The following RSPO2 variants were observed in gnomAD, a reference collection of about 807,000 sequenced individuals.
RSPO2 encodes the protein R-spondin-2.
A neutral mutation model predicts 30.9 loss-of-function variants in RSPO2; 14 were observed. The observed-to-expected ratio is 0.45, with a 90% CI of 0.30 to 0.71. The LOEUF (loss-of-function observed/expected upper bound fraction) is 0.71, where lower values mean the gene tolerates loss of function less well. Among genes scored for constraint, RSPO2 ranks in the 30% least tolerant of loss-of-function variants. The probability of loss-of-function intolerance (pLI) is 0.08; values close to 1 mark genes in which losing one functional copy is unlikely to be tolerated. For missense variants in RSPO2, 264 were observed against 301.9 expected, an observed-to-expected ratio of 0.87 and a Z score of 0.93; for synonymous variants, 107 against 96.4, an observed-to-expected ratio of 1.11 and a Z score of -0.64.
At chr8:107,997,682 C>G (rs1048721066) in intron 2 of RSPO2, among the ~76,000 whole-genome samples, 16 of 152,072 alleles carry the variant, frequency 1.1e-4, no homozygotes, top group African/African-American at 3.9e-4. Flanking sequence ...ACAGTTATAT[C>G]AAGAGAGAAA....
chr8:107,951,269 G>A (rs1813238040), intron 5 of RSPO2, among the ~76,000 whole-genome samples: 1 of 152,010 alleles, frequency 6.6e-6, no homozygotes, highest in African/African-American at 2.4e-5. Flanking sequence ...GGCCAGGCTG[G>A]TCTCAAACTT....
chr8:107,976,358 C>T (rs1814210703), intron 3 of RSPO2, among the ~76,000 whole-genome samples: 1 of 152,178 alleles, frequency 6.6e-6, no homozygotes, highest in South Asian at 2.1e-4. Flanking sequence ...TCTTAGCTCT[C>T]CATACTGTGT....
At chr8:107,941,310 A>C (rs578177185) in intron 5 of RSPO2, among the ~76,000 whole-genome samples, 2 of 152,272 alleles carry the variant, frequency 1.3e-5, no homozygotes, top group Admixed American at 1.3e-4. Flanking sequence ...CTTCCTCTAA[A>C]TCAAACTGCA....
At chr8:107,909,435 G>C (rs972047735) in intron 5 of RSPO2, among the ~76,000 whole-genome samples, 3 of 151,732 alleles carry the variant, frequency 2.0e-5, no homozygotes, top group African/African-American at 7.3e-5. Flanking sequence ...GATACTTTTT[G>C]TATTTTTAGT....
intron 5 of RSPO2, among the ~76,000 whole-genome samples, chr8:107,939,881 C>T (rs557687097): frequency 1.3e-5 from 2 of 151,982 alleles, no homozygotes; most frequent in Non-Finnish European, 2.9e-5. Flanking sequence ...TAAACAGTAT[C>T]GCTCCTAAAA....
intron 2 of RSPO2, among the ~76,000 whole-genome samples, chr8:108,033,913 G>A (rs951058145): frequency 9.2e-5 from 14 of 152,240 alleles, no homozygotes; most frequent in Middle Eastern, 3.4e-3. Flanking sequence ...AACACCCTTC[G>A]CTGAGTCACT....
At chr8:108,078,993 C>T (rs1813102737) in intron 2 of RSPO2, among the ~76,000 whole-genome samples, 2 of 152,114 alleles carry the variant, frequency 1.3e-5, no homozygotes, top group Non-Finnish European at 2.9e-5. Flanking sequence ...GTCTATCCAC[C>T]TTTCAGTAAT....
chr8:108,053,186 G>C (rs1269681343), intron 2 of RSPO2, among the ~76,000 whole-genome samples: 1 of 152,112 alleles, frequency 6.6e-6, no homozygotes, highest in African/African-American at 2.4e-5. Context: ...ATGGCTTGCA[G>C]GAGAGCTTCT....
chr8:107,960,210 A>G (rs866633932), intron 4 of RSPO2, among the ~76,000 whole-genome samples: 14 of 152,264 alleles, frequency 9.2e-5, no homozygotes, highest in Middle Eastern at 6.8e-3. Context: ...TGCATTTGTA[A>G]CATATAATCA....
At chr8:108,021,344 G>A (rs1481960852) in intron 2 of RSPO2, among the ~76,000 whole-genome samples, 5 of 152,098 alleles carry the variant, frequency 3.3e-5, no homozygotes, top group Admixed American at 1.3e-4. Context: ...GCTACCCTGA[G>A]CCCCCACTTC....
intron 3 of RSPO2, among the ~76,000 whole-genome samples, chr8:107,972,732 T>C (rs1234831807): frequency 1.3e-5 from 2 of 152,068 alleles, no homozygotes; most frequent in Admixed American, 6.5e-5. Context: ...CATCAGATAT[T>C]ACTCTTTTAC....
chr8:108,032,674 A>T (rs2130638291), intron 2 of RSPO2, among the ~76,000 whole-genome samples: 1 of 152,166 alleles, frequency 6.6e-6, no homozygotes, highest in African/African-American at 2.4e-5. Flanking sequence ...TCTGTCACCC[A>T]GGCTGAAGTA....
intron 2 of RSPO2, among the ~76,000 whole-genome samples, chr8:107,993,489 AATTTC>A (rs1814918160): frequency 6.6e-6 from 1 of 152,140 alleles, no homozygotes; most frequent in African/African-American, 2.4e-5. Context: ...TGCTCTAGAT[AATTTC>A]ATTTATATTA....
chr8:107,924,107 CA>C (rs1181147610), intron 5 of RSPO2, among the ~76,000 whole-genome samples: 2 of 149,430 alleles, frequency 1.3e-5, no homozygotes, highest in African/African-American at 4.9e-5. Context: ...AAAAAAAAGA[CA>C]AAAAAGAGTG....
intron 5 of RSPO2, among the ~76,000 whole-genome samples, chr8:107,912,265 G>A (rs1486750458): frequency 1.3e-5 from 2 of 152,172 alleles, no homozygotes; most frequent in Non-Finnish European, 2.9e-5. Flanking sequence ...ACTCCTGAAA[G>A]CCAAGAATAT....
intron 2 of RSPO2, among the ~76,000 whole-genome samples, chr8:108,071,332 C>T (rs990090645): frequency 2.6e-5 from 4 of 152,106 alleles, no homozygotes; most frequent in Admixed American, 2.0e-4. Flanking sequence ...TCATATCAGC[C>T]ACTGCTGATG....
At chr8:108,010,592 T>A (rs1268671465) in intron 2 of RSPO2, among the ~76,000 whole-genome samples, 1 of 152,112 alleles carries the variant, frequency 6.6e-6, no homozygotes, top group Non-Finnish European at 1.5e-5. Context: ...AGGACAGAGA[T>A]GCAGAGAGCC....
At chr8:107,986,543 A>G (rs1022277154) in intron 3 of RSPO2, among the ~76,000 whole-genome samples, 1 of 152,172 alleles carries the variant, frequency 6.6e-6, no homozygotes, top group Non-Finnish European at 1.5e-5. Flanking sequence ...GATATACTAC[A>G]AAGTATTGCT....
chr8:108,073,319 G>A (rs1812914949), intron 2 of RSPO2, among the ~76,000 whole-genome samples: 3 of 152,190 alleles, frequency 2.0e-5, no homozygotes, highest in Non-Finnish European at 4.4e-5. Context: ...CAAAGCACAG[G>A]GAAAAGAATG....
Sources: allele counts gnomAD v4.1 joint callset (sites outside exome capture counted in the v4.1 genomes callset), GRCh38; gene constraint gnomAD v4.1.1; transcripts MANE v1.5; gene names NCBI Gene and HGNC (gene_info 2026-07-23, HGNC 2026-07-21).